TOX: variants seen among roughly 807,000 people sequenced by gnomAD.
The protein encoded by TOX is thymocyte selection-associated high mobility group box protein TOX.
In TOX, 11 loss-of-function variants were observed where a neutral mutation model predicts 53.7. That is an observed-to-expected ratio of 0.20 (90% CI 0.13 to 0.34). TOX has a LOEUF of 0.34. Ranked by LOEUF, TOX falls within the 10% of genes least tolerant of loss-of-function variation. TOX has a pLI of 1.00. For synonymous variants in TOX, 225 were observed against 245.3 expected (o/e 0.92, Z 0.77); for missense variants, 570 against 664.6 (o/e 0.86, Z 1.56).
chr8:58,831,117 T>A (rs765693429), intron 5 of TOX, among the ~76,000 whole-genome samples: 1 of 152,162 alleles, frequency 6.6e-6, no homozygotes, highest in Non-Finnish European at 1.5e-5. Flanking sequence ...ACAAACATCT[T>A]GCTATGGATT....
intron 2 of TOX, among the ~76,000 whole-genome samples, chr8:58,940,019 A>G (rs1812410149): frequency 6.6e-6 from 1 of 152,242 alleles, no homozygotes; most frequent in Non-Finnish European, 1.5e-5. Context: ...CTCACAATTG[A>G]CAAAAGAAAA....
At chr8:58,994,538 T>C (rs1318181324) in intron 1 of TOX, among the ~76,000 whole-genome samples, 1 of 152,296 alleles carries the variant, frequency 6.6e-6, no homozygotes, top group East Asian at 1.9e-4. Context: ...GCTAAATTTC[T>C]GTCCTGAATG....
In TOX at chr8:58,881,503, T is replaced by A. The variant is rs1811381647; in HGVS notation, c.412-29698A>T. ...ACTTCGTGAGGCTGAGGTGGGTGGA[T>A]CATCTGAGGTCAGGAGTTCAAAGCC... On this transcript the variant is annotated intron_variant, in intron 3 of 8. Transcript: ENST00000361421. 4.0e-5 allele frequency among the ~76,000 whole-genome samples: 6 copies of A among 151,854 alleles called. No homozygotes were observed. In the South Asian group the frequency reaches 1.2e-3, roughly 32 times the overall value.
At chr8:58,977,008 T>C (rs12677029) in intron 1 of TOX, among the ~76,000 whole-genome samples, 110,265 of 152,156 alleles carry the variant, frequency 0.72, 40,607 homozygotes, top group South Asian at 0.83. Flanking sequence ...TCACCAGCTG[T>C]ATTAACCCCT....
At chr8:59,104,712 T>A (rs1022373019) in intron 1 of TOX, among the ~76,000 whole-genome samples, 4 of 152,200 alleles carry the variant, frequency 2.6e-5, no homozygotes, top group African/African-American at 9.7e-5. Context: ...TTATCATAGA[T>A]CATTTTATAA....
At chr8:58,940,550 AGTAT>A (rs1812421213) in intron 2 of TOX, among the ~76,000 whole-genome samples, 2 of 152,238 alleles carry the variant, frequency 1.3e-5, no homozygotes, top group African/African-American at 4.8e-5. Context: ...CAGGTGTCAC[AGTAT>A]GAAAGGAAAC....
intron 1 of TOX, among the ~76,000 whole-genome samples, chr8:59,041,814 C>T (rs185145237): frequency 6.6e-6 from 1 of 152,306 alleles, no homozygotes; most frequent in Admixed American, 6.5e-5. Context: ...CTGTCTACCA[C>T]CATCATGTTG....
At chr8:58,971,215 T>C (rs1251029176) in intron 1 of TOX, among the ~76,000 whole-genome samples, 2 of 152,224 alleles carry the variant, frequency 1.3e-5, no homozygotes, top group Non-Finnish European at 2.9e-5. Context: ...TCTGAATCTG[T>C]AGCAGCACGA....
At chr8:58,847,504 C>A (rs917353201) in intron 4 of TOX, among the ~76,000 whole-genome samples, 1 of 151,178 alleles carries the variant, frequency 6.6e-6, no homozygotes, top group Non-Finnish European at 1.5e-5. Flanking sequence ...TACATAGGGG[C>A]AAGGAAGTAG....
chr8:59,078,916 A>G (rs1168734813), intron 1 of TOX, among the ~76,000 whole-genome samples: 1 of 152,364 alleles, frequency 6.6e-6, no homozygotes, highest in East Asian at 1.9e-4. Context: ...AATGAGGAAC[A>G]TAATTGGGAA....
chr8:58,873,844 T>C (rs1424138394), intron 3 of TOX, among the ~76,000 whole-genome samples: 2 of 151,724 alleles, frequency 1.3e-5, no homozygotes, highest in African/African-American at 2.4e-5. Context: ...AGAGATTCCA[T>C]GAATATTGGA....
At chr8:58,836,968 T>G (rs574964734) in intron 5 of TOX, among the ~76,000 whole-genome samples, 1 of 152,206 alleles carries the variant, frequency 6.6e-6, no homozygotes, top group Non-Finnish European at 1.5e-5. Context: ...TCTGCAAAAT[T>G]TGGGTAATAA....
intron 3 of TOX, among the ~76,000 whole-genome samples, chr8:58,920,975 A>G (rs1170743996): frequency 1.3e-5 from 2 of 152,188 alleles, no homozygotes; most frequent in Non-Finnish European, 2.9e-5. Context: ...ATATGCATCT[A>G]TGACTCATGG....
chr8:58,944,223 G>A (rs758169568), intron 2 of TOX, among the ~76,000 whole-genome samples: 7 of 152,130 alleles, frequency 4.6e-5, no homozygotes, highest in Non-Finnish European at 8.8e-5. Context: ...GGATCCCAGC[G>A]CCACTGAATG....
chr8:59,058,491 C>T (rs1803920266), intron 1 of TOX, among the ~76,000 whole-genome samples: 1 of 152,054 alleles, frequency 6.6e-6, no homozygotes, highest in African/African-American at 2.4e-5. Flanking sequence ...GAAGGAGACA[C>T]CTTTGATAAT....
Position 58,851,905 on chromosome 8 carries a change from A to G in TOX, c.412-100T>C. The G allele has an allele frequency of 1.9e-6, 2 of 1,079,058 alleles. No homozygotes were observed. The highest frequency in any genetic ancestry group is 2.3e-6 in the Non-Finnish European group (2 of 853,642). 66.8% of individuals were successfully genotyped at this position (1,079,058 alleles called of 1,614,324 possible). A position where few individuals can be genotyped will look rare whatever the true frequency, so the allele number is the denominator to read the frequency against. The stretch of plus-strand genomic sequence containing the variant: ...GGGCAAAAAAGTAATAATTCTTTAG[A>G]TTTCCAGATGTTCTGCTGAGTTACA... On this transcript the variant is annotated intron_variant, in intron 3 of 8. Transcript: ENST00000361421. The surrounding 1 kb of genome is among the most constrained non-coding windows in gnomAD (Gnocchi z 4.4).
intron 5 of TOX, among the ~76,000 whole-genome samples, chr8:58,837,488 G>A (rs768362390): frequency 5.9e-5 from 9 of 152,078 alleles, no homozygotes; most frequent in African/African-American, 1.7e-4. Flanking sequence ...GGTATCTCAC[G>A]TGGCCTTCCC....
chr8:58,813,181 C>G (rs986451847), intron 7 of TOX, among the ~76,000 whole-genome samples: 4 of 152,216 alleles, frequency 2.6e-5, no homozygotes, highest in Admixed American at 2.0e-4. Flanking sequence ...AAAGACAAAT[C>G]TCTTGGATTT....
intron 3 of TOX, among the ~76,000 whole-genome samples, chr8:58,902,121 A>G (rs1044529467): frequency 6.6e-6 from 1 of 152,188 alleles, no homozygotes; most frequent in Non-Finnish European, 1.5e-5. Context: ...ATTAAAATAT[A>G]AATCTGTTAT....
Sources: gnomAD v4.1 joint callset for allele counts (sites outside exome capture counted in the v4.1 genomes callset) on GRCh38, gnomAD v4.1.1 for gene constraint, Gnocchi (gnomAD v3.1) non-coding constraint, MANE v1.5 for transcripts, NCBI Gene and HGNC (gene_info 2026-07-23, HGNC 2026-07-21) for gene names.